Variants in PHACTR3 observed in about 807,000 individuals in gnomAD.
The protein encoded by PHACTR3 is protein phosphatase 1, regulatory subunit 123.
Under a neutral mutation model 66.8 loss-of-function variants are expected in PHACTR3, and 16 were observed. The observed-to-expected ratio is 0.24, with a 90% confidence interval of 0.16 to 0.36. PHACTR3 has a LOEUF of 0.36. Among genes scored for constraint, PHACTR3 ranks in the 10% least tolerant of loss-of-function variants. The pLI, the probability that PHACTR3 is intolerant of heterozygous loss-of-function variation, is 1.00. For missense variants in PHACTR3, 647 were observed against 719.9 expected (o/e 0.90, Z 1.16); for synonymous variants, 323 against 292.1 (o/e 1.11, Z -1.08).
intron 1 of PHACTR3, among the ~76,000 whole-genome samples, chr20:59,693,055 C>T (rs940649581): frequency 6.6e-6 from 1 of 152,204 alleles, no homozygotes; most frequent in African/African-American, 2.4e-5. Context: ...GTCGGGGTCA[C>T]ATTACCGTCA....
intron 8 of PHACTR3, among the ~76,000 whole-genome samples, chr20:59,810,317 T>A (rs1426447688): frequency 1.3e-5 from 2 of 152,216 alleles, no homozygotes; most frequent in African/African-American, 2.4e-5. Flanking sequence ...ACTTACTGAA[T>A]CTGGAACTAA....
intron 1 of PHACTR3, among the ~76,000 whole-genome samples, chr20:59,580,013 T>A (rs2032815446): frequency 6.6e-6 from 1 of 152,036 alleles, no homozygotes; most frequent in African/African-American, 2.4e-5. Context: ...TTGGAGGGGC[T>A]GTTTACACTG....
At chr20:59,628,939 A>G (rs2034562871) in intron 1 of PHACTR3, 5 of 442,822 alleles carry the variant, frequency 1.1e-5, no homozygotes, top group Admixed American at 6.4e-5. Flanking sequence ...CCACCTTTCC[A>G]TGGTTCACTG....
At chr20:59,804,936 A>G (rs1487214117) in intron 7 of PHACTR3, among the ~76,000 whole-genome samples, 1 of 152,200 alleles carries the variant, frequency 6.6e-6, no homozygotes, top group East Asian at 1.9e-4. Context: ...GGAAGTGATC[A>G]TATTGGATAA....
chr20:59,659,393 T>TTTTTG (rs1568683361), intron 1 of PHACTR3, among the ~76,000 whole-genome samples: 1 of 148,480 alleles, frequency 6.7e-6, no homozygotes, highest in Admixed American at 6.7e-5. Flanking sequence ...TTTTTTTTTT[T>TTTTTG]GAGACAGTCT....
At chr20:59,779,297 G>C (rs1036586714) in intron 7 of PHACTR3, among the ~76,000 whole-genome samples, 3 of 152,214 alleles carry the variant, frequency 2.0e-5, no homozygotes, top group African/African-American at 7.2e-5. Flanking sequence ...AGATCTCTGA[G>C]ATAAAATGCT....
chr20:59,838,444 A>G (rs779259680), intron 9 of PHACTR3, among the ~76,000 whole-genome samples: 1 of 150,330 alleles, frequency 6.7e-6, no homozygotes, highest in Non-Finnish European at 1.5e-5. Flanking sequence ...CCGCCCATAT[A>G]ACACTATAAC....
rs576085019 is a variant in PHACTR3 at position 59,767,057 on chromosome 20, C to T, written c.542-129C>T. ...AGTTGAACTTGCAGGAAGTCAAGTG[C>T]CTGTGTGAGGTCACTGCTCTGTATG... is the stretch of plus-strand genomic sequence containing the variant. On this transcript the variant is annotated intron_variant, in intron 4 of 12. Coordinates refer to ENST00000371015, the MANE Select transcript of PHACTR3 (RefSeq NM_080672.5). The T allele has an allele frequency of 1.4e-3, 1,112 of 805,646 alleles. 5 individuals are homozygous for T. Among genetic ancestry groups the T allele is most frequent in the Non-Finnish European group, 7.6e-4 (378 of 498,354 alleles). The allele number at this position is 805,646 out of a possible 1,614,324, so 49.9% of individuals were successfully genotyped here.
chr20:59,588,854 C>T (rs773071750), intron 1 of PHACTR3, among the ~76,000 whole-genome samples: 17 of 152,258 alleles, frequency 1.1e-4, no homozygotes, highest in Non-Finnish European at 1.8e-4. Context: ...AGGGACACTC[C>T]TCCAGCCTGG....
rs77488806 is a variant in PHACTR3, at chr20:59,693,533, C to T, written c.119-49574C>T. ...TGACACAGAATCATTTATATAGACT[C>T]AATAGACTCTTAGGGGAGGCACCAG... On this transcript the variant is annotated intron_variant, in intron 1 of 12. Coordinates refer to ENST00000371015, the MANE Select transcript of PHACTR3 (RefSeq NM_080672.5). 8.3e-3 allele frequency among the ~76,000 whole-genome samples: 1,262 copies of T among 152,330 alleles called. 6 individuals are homozygous for T. Among genetic ancestry groups the T allele is most frequent in the Non-Finnish European group, 0.014 (929 of 68,036 alleles).
In PHACTR3 at chr20:59,829,591, T is replaced by C. The variant is rs951278769; in HGVS notation, c.1329-6914T>C. Among the ~76,000 whole-genome samples, 8 of 151,648 alleles carry C rather than the reference T, an allele frequency of 5.3e-5. No individual in the cohort carries two copies. The highest frequency in any genetic ancestry group is 1.9e-4 in the African/African-American group (8 of 41,276). ...ATGCATCAATGCGTCGTGTGAATGG[T>C]GTGTGGAGACGCTGCCTCGCTGGGG... is the stretch of plus-strand genomic sequence containing the variant. On this transcript the variant is annotated intron_variant, in intron 8 of 12. Coordinates refer to ENST00000371015, the MANE Select transcript of PHACTR3 (RefSeq NM_080672.5). The surrounding 1 kb of genome is among the most constrained non-coding windows in gnomAD (Gnocchi z 4.2).
chr20:59,838,352 ATTC>A (rs2059000474), intron 9 of PHACTR3, among the ~76,000 whole-genome samples: 1 of 152,176 alleles, frequency 6.6e-6, no homozygotes, highest in Non-Finnish European at 1.5e-5. Flanking sequence ...CTTGTAACCA[ATTC>A]TTAGAATATC....
chr20:59,665,680 C>G (rs74882714), intron 1 of PHACTR3, among the ~76,000 whole-genome samples: 1,717 of 152,088 alleles, frequency 0.011, 43 homozygotes, highest in African/African-American at 0.038. Flanking sequence ...GGAAACAACA[C>G]TTGGAGAAGC....
chr20:59,685,898 G>A (rs1270902609), intron 1 of PHACTR3, among the ~76,000 whole-genome samples: 2 of 152,224 alleles, frequency 1.3e-5, no homozygotes, highest in Non-Finnish European at 2.9e-5. Flanking sequence ...AGCCTTGCCT[G>A]TTGTCCCCTG....
rs115589147 is a variant in PHACTR3, at chr20:59,840,639, A to G, written c.1446+209A>G. 1.6e-3 allele frequency among the ~76,000 whole-genome samples: 241 copies of G among 152,366 alleles called. 1 individual carries two copies. Among genetic ancestry groups the G allele is most frequent in the African/African-American group, 5.1e-3 (214 of 41,586 alleles). On this transcript the variant is annotated intron_variant, in intron 10 of 12. Coordinates refer to ENST00000371015, the MANE Select transcript of PHACTR3 (RefSeq NM_080672.5). ...TTCCCTATGGACGAAGTCCTTCCCT[A>G]GCACGGTAGCACTTGGAGAGGTGCA... is the stretch of plus-strand genomic sequence containing the variant.
At chr20:59,773,654 C>T (rs1568805744) in intron 6 of PHACTR3, among the ~76,000 whole-genome samples, 1 of 152,224 alleles carries the variant, frequency 6.6e-6, no homozygotes, top group Non-Finnish European at 1.5e-5. Flanking sequence ...CATTCTGGGA[C>T]GGGGTGCACA....
chr20:59,586,944 CATG>C (rs1429686297), intron 1 of PHACTR3, among the ~76,000 whole-genome samples: 2 of 152,250 alleles, frequency 1.3e-5, no homozygotes, highest in African/African-American at 4.8e-5. Context: ...TCCTGTCTCT[CATG>C]AACCTGGATT....
rs138576434 is a variant in PHACTR3 at position 59,736,116 on chromosome 20, A to G, written c.119-6991A>G. 2.0e-5 allele frequency among the ~76,000 whole-genome samples: 3 copies of G among 152,230 alleles called. No individual in the cohort carries two copies. The highest frequency in any genetic ancestry group is 4.4e-5 in the Non-Finnish European group (3 of 67,986). On this transcript the variant is annotated intron_variant, in intron 1 of 12. Transcript: ENST00000371015. This position sits in a 1 kb window ranked among gnomAD's most constrained non-coding sequence, Gnocchi z 4.6. The stretch of plus-strand genomic sequence containing the variant: ...GTCCCTTGAGTTGCAAGCATGTGAC[A>G]TCAGCAGGGGAGGGCCAGCTGCCCC...
At chr20:59,800,622 T>C (rs932767901) in intron 7 of PHACTR3, among the ~76,000 whole-genome samples, 7 of 152,252 alleles carry the variant, frequency 4.6e-5, no homozygotes, top group Non-Finnish European at 1.0e-4. Flanking sequence ...TTGATTACCA[T>C]GGCCCAGACA....
Sources: allele counts gnomAD v4.1 joint callset (sites outside exome capture counted in the v4.1 genomes callset), GRCh38; gene constraint gnomAD v4.1.1; non-coding constraint Gnocchi (gnomAD v3.1); transcripts MANE v1.5; gene names NCBI Gene and HGNC (gene_info 2026-07-23, HGNC 2026-07-21).